ACTN4: variants seen among roughly 807,000 people sequenced by gnomAD.
ACTN4 encodes actinin alpha 4, also known as alpha-actinin-4.
Under a neutral mutation model 114.2 loss-of-function variants are expected in ACTN4, and 18 were observed. That is an observed-to-expected ratio of 0.16 (90% CI 0.11 to 0.23). The LOEUF (loss-of-function observed/expected upper bound fraction) is 0.23, where lower values mean the gene tolerates loss of function less well. Among genes scored for constraint, ACTN4 ranks in the 10% least tolerant of loss-of-function variants. ACTN4 has a pLI of 1.00. For synonymous variants in ACTN4, 515 were observed against 506.3 expected, an observed-to-expected ratio of 1.02 and a Z score of -0.23; for missense variants, 722 against 1,262.9, an observed-to-expected ratio of 0.57 and a Z score of 6.49.
chr19:38,721,560 C>T lies in ACTN4; in HGVS notation c.1314C>T (p.His438=). The T allele has an allele frequency of 6.2e-7, 1 of 1,614,014 alleles. No homozygotes were observed. The highest frequency in any genetic ancestry group is 8.5e-7 in the Non-Finnish European group (1 of 1,180,028). The change falls in exon 12 of 21, where the codon CAC becomes CAT. Residue 438 remains histidine (H), a synonymous_variant. Coordinates refer to ENST00000252699, the MANE Select transcript of ACTN4 (RefSeq NM_004924.6). ...WTDGKEAMLK[H]RDYETATLSD... is the part of the protein sequence containing the mutation. ...CAGGGAAGGAAGCCATGCTGAAGCA[C>T]CGGGACTACGAGACGGCCACACTAT...
At chr19:38,694,953 C>T (rs1161106075) in intron 1 of ACTN4, among the ~76,000 whole-genome samples, 1 of 152,222 alleles carries the variant, frequency 6.6e-6, no homozygotes, top group Non-Finnish European at 1.5e-5. Context: ...CAGCTTACTG[C>T]AACCTCTGCC....
Position 38,700,625 on chromosome 19 carries a change from A to G in ACTN4, c.188A>G (p.His63Arg). 2 of 1,614,022 alleles carry G rather than the reference A, an allele frequency of 1.2e-6. No homozygotes were observed. Among genetic ancestry groups the G allele is most frequent in the Non-Finnish European group, 1.7e-6 (2 of 1,179,966 alleles). ...ACCTTCACGGCATGGTGCAACTCCC[A>G]CCTGCGGAAGGCAGGCACACAGATC... ...RKTFTAWCNS[H>R]LRKAGTQIEN... Residue 63 changes from histidine (H) to arginine (R), a missense_variant, in exon 2 of 21, where the codon CAC becomes CGC. Coordinates refer to ENST00000252699, the MANE Select transcript of ACTN4 (RefSeq NM_004924.6).
chr19:38,722,657 C>CTGG (rs1969085480), intron 12 of ACTN4, among the ~76,000 whole-genome samples: 1 of 152,230 alleles, frequency 6.6e-6, no homozygotes, highest in Non-Finnish European at 1.5e-5. Context: ...GTCCTGCCAC[C>CTGG]ACCACGTCCA....
intron 5 of ACTN4, 106 bp downstream of exon 5, chr19:38,706,237 C>A: frequency 8.3e-7 from 1 of 1,210,476 alleles, no homozygotes; most frequent in Non-Finnish European, 1.2e-6. Context: ...GAGATGCCAG[C>A]CCTCAGTCAG....
intron 1 of ACTN4, among the ~76,000 whole-genome samples, chr19:38,692,765 C>T (rs528239265): frequency 6.6e-6 from 1 of 152,148 alleles, no homozygotes; most frequent in African/African-American, 2.4e-5. Flanking sequence ...AATAGCTGTA[C>T]CTCCCCTGTG....
chr19:38,686,218 C>T (rs533256901), intron 1 of ACTN4, among the ~76,000 whole-genome samples: 1 of 152,184 alleles, frequency 6.6e-6, no homozygotes, highest in Non-Finnish European at 1.5e-5. Flanking sequence ...TGAACAAATC[C>T]CTGGGCGGAT....
chr19:38,682,647 C>T (rs938426182), intron 1 of ACTN4, among the ~76,000 whole-genome samples: 10 of 152,200 alleles, frequency 6.6e-5, no homozygotes, highest in Admixed American at 3.3e-4. Flanking sequence ...CGGCGTTCTC[C>T]GCGCGAAATC....
chr19:38,728,403 G>T, intron 19 of ACTN4: 1 of 1,108,422 alleles, frequency 9.0e-7, no homozygotes, highest in Non-Finnish European at 1.2e-6. Flanking sequence ...TGTCTCCCCA[G>T]CCACCCGCTC....
At position 38,729,739 on chromosome 19, in the gene ACTN4, C is replaced by T. The variant is rs1599869722; in HGVS notation, c.*307C>T. On this transcript the variant is annotated 3_prime_UTR_variant, in exon 21 of 21. Transcript: ENST00000252699. ...ATTCCCACAGCACAACCGGTCCCTT[C>T]CATGCCCTGGGATGCCTCACCACAC... 10 of 574,092 alleles carry T rather than the reference C, an allele frequency of 1.7e-5. No homozygotes were observed. In the East Asian group the frequency reaches 2.8e-4, roughly 16 times the overall value. 35.6% of individuals were successfully genotyped at this position (574,092 alleles called of 1,614,324 possible).
intron 2 of ACTN4, 122 bp downstream of exon 2, chr19:38,700,836 A>G (rs1219320343): frequency 5.1e-6 from 7 of 1,364,856 alleles, no homozygotes; most frequent in South Asian, 1.2e-5. Context: ...GCACCCCTTA[A>G]TAGCTGCACG....
In ACTN4 at chr19:38,726,944, C is replaced by T. The variant is rs534934392; in HGVS notation, c.2191-13C>T. The T allele has an allele frequency of 1.7e-5, 27 of 1,613,664 alleles. No individual in the cohort carries two copies. The highest frequency in any genetic ancestry group is 2.7e-5 in the African/African-American group (2 of 75,056). ...AGCACCCGGCCCACGATCACGCCCCCGTCTTTCCGCAGCACATCCGCGTGG... is the reference window on the plus strand; with the variant it reads ...AGCACCCGGCCCACGATCACGCCCCTGTCTTTCCGCAGCACATCCGCGTGG... On this transcript the variant is annotated splice_polypyrimidine_tract_variant and intron_variant, in intron 17 of 20. Transcript: ENST00000252699.
chr19:38,690,981 A>G (rs1388181791), intron 1 of ACTN4, among the ~76,000 whole-genome samples: 2 of 152,238 alleles, frequency 1.3e-5, no homozygotes, highest in Non-Finnish European at 2.9e-5. Flanking sequence ...AGTACCTGCT[A>G]TGTGAAAGGT....
chr19:38,708,869 C>T (rs1229327338), intron 6 of ACTN4, among the ~76,000 whole-genome samples: 4 of 152,168 alleles, frequency 2.6e-5, no homozygotes, highest in Non-Finnish European at 5.9e-5. Context: ...GCACCCAGCC[C>T]GTTCCAGCCA....
chr19:38,664,101 C>T (rs1339781649), intron 1 of ACTN4, among the ~76,000 whole-genome samples: 2 of 152,178 alleles, frequency 1.3e-5, no homozygotes, highest in Admixed American at 6.6e-5. Flanking sequence ...AGTCTGCTGG[C>T]GAGGCTGGGT....
chr19:38,717,187 C>T lies in ACTN4; in HGVS notation c.1014C>T (p.Tyr338=), dbSNP rs1423640672. The T allele has an allele frequency of 9.3e-6, 15 of 1,614,154 alleles. No homozygotes were observed. Among genetic ancestry groups the T allele is most frequent in the Admixed American group, 1.7e-5 (1 of 60,010 alleles). ...MQQKLEDFRD[Y]RRVHKPPKVQ... Reference sequence around the variant, plus strand: ...AGAAGCTGGAGGACTTCCGCGACTACCGGCGTGTGCACAAGCCGCCCAAGG... The same window carrying T: ...AGAAGCTGGAGGACTTCCGCGACTATCGGCGTGTGCACAAGCCGCCCAAGG... The change falls in exon 10 of 21, where the codon TAC becomes TAT. Residue 338 remains tyrosine (Y), a synonymous_variant. Transcript: ENST00000252699. This position sits in a 1 kb window ranked among gnomAD's most constrained non-coding sequence, Gnocchi z 4.0.
At chr19:38,699,226 C>T (rs1217009433) in intron 1 of ACTN4, among the ~76,000 whole-genome samples, 1 of 152,174 alleles carries the variant, frequency 6.6e-6, no homozygotes, top group Non-Finnish European at 1.5e-5. Flanking sequence ...TTGCAGGGGG[C>T]TGAGTAGCCG....
rs143174736 is a variant in ACTN4, at chr19:38,717,957, C to G, written c.1174C>G (p.Gln392Glu). The G allele has an allele frequency of 8.4e-4, 1,343 of 1,606,476 alleles. No homozygotes were observed. The highest frequency in any genetic ancestry group is 1.0e-3 in the Non-Finnish European group (1,208 of 1,176,520). ...CAACAATGGCTGGCAGCACTTGGAGCAGGCTGAGAAGGGCTACGAGGAGTG... is the reference window on the plus strand; with the variant it reads ...CAACAATGGCTGGCAGCACTTGGAGGAGGCTGAGAAGGGCTACGAGGAGTG... ...DINNGWQHLE[Q>E]AEKGYEEWLL... The change falls in exon 11 of 21, where the codon CAG (glutamine) becomes GAG (glutamate). Residue 392 changes from glutamine to glutamate, a missense_variant. Transcript: ENST00000252699. The surrounding 1 kb of genome is among the most constrained non-coding windows in gnomAD (Gnocchi z 4.0).
At chr19:38,649,723 GGGCGCGAGTTGGT>G (rs1976502077) in intron 1 of ACTN4, among the ~76,000 whole-genome samples, 1 of 152,114 alleles carries the variant, frequency 6.6e-6, no homozygotes, top group African/African-American at 2.4e-5. Flanking sequence ...AGCCTCTCGA[GGGCGCGAGTTGGT>G]GGCCAGGAGC....
At chr19:38,657,790 CTG>C (rs1388104895) in intron 1 of ACTN4, among the ~76,000 whole-genome samples, 2 of 152,154 alleles carry the variant, frequency 1.3e-5, no homozygotes, top group Non-Finnish European at 2.9e-5. Flanking sequence ...AATAAGAGGA[CTG>C]TGGGTCTACA....
Sources: gnomAD v4.1 joint callset for allele counts (sites outside exome capture counted in the v4.1 genomes callset) on GRCh38, gnomAD v4.1.1 for gene constraint, Gnocchi (gnomAD v3.1) non-coding constraint, MANE v1.5 for transcripts, NCBI Gene and HGNC (gene_info 2026-07-23, HGNC 2026-07-21) for gene names.